Variants in LRRTM4 observed in about 807,000 individuals in gnomAD.
LRRTM4 encodes the protein leucine-rich repeat transmembrane neuronal protein 4.
LRRTM4 carries 25 observed loss-of-function variants against 47.6 expected under a neutral mutation model. The observed-to-expected ratio is 0.53, with a 90% CI of 0.38 to 0.73. The LOEUF (loss-of-function observed/expected upper bound fraction) is 0.73, where lower values mean the gene tolerates loss of function less well. LRRTM4 is among the 30% of genes least tolerant of loss of function. The pLI is 0.00. For missense variants in LRRTM4, 638 were observed against 713.4 expected (o/e 0.89, Z 1.20); for synonymous variants, 311 against 269.5 (o/e 1.15, Z -1.51).
chr2:76,899,403 G>C (rs186616965), intron 3 of LRRTM4, among the ~76,000 whole-genome samples: 1 of 151,530 alleles, frequency 6.6e-6, no homozygotes, highest in African/African-American at 2.4e-5. Context: ...ACTATTGAGA[G>C]GTAGGGCAAA....
intron 3 of LRRTM4, among the ~76,000 whole-genome samples, chr2:77,021,786 AATTACT>A (rs1678279580): frequency 6.6e-6 from 1 of 152,110 alleles, no homozygotes; most frequent in Non-Finnish European, 1.5e-5. Context: ...TAGATAATGC[AATTACT>A]AATGCCATAA....
chr2:77,332,814 A>G (rs1205876629), intron 3 of LRRTM4, among the ~76,000 whole-genome samples: 2 of 152,034 alleles, frequency 1.3e-5, no homozygotes, highest in African/African-American at 2.4e-5. Context: ...ACTTGTCACA[A>G]TTGTAGGTAT....
chr2:77,361,328 T>C (rs567962884), intron 3 of LRRTM4, among the ~76,000 whole-genome samples: 6 of 152,194 alleles, frequency 3.9e-5, no homozygotes, highest in African/African-American at 1.2e-4. Flanking sequence ...CCATTCTTCC[T>C]TCTCATTTAG....
chr2:77,139,519 T>C (rs542138134), intron 3 of LRRTM4, among the ~76,000 whole-genome samples: 2 of 152,242 alleles, frequency 1.3e-5, no homozygotes, highest in Admixed American at 6.5e-5. Context: ...ACAGCCAATA[T>C]CATACTGAAT....
intron 3 of LRRTM4, among the ~76,000 whole-genome samples, chr2:76,824,049 T>C (rs1671126169): frequency 1.3e-5 from 2 of 151,684 alleles, no homozygotes; most frequent in Middle Eastern, 6.8e-3. Context: ...ACCTGGGTAA[T>C]CTGATTCTTA....
At position 77,249,685 on chromosome 2, in the gene LRRTM4, T is replaced by G. The variant is rs185333322; in HGVS notation, c.1551+268633A>C. 2.0e-4 allele frequency among the ~76,000 whole-genome samples: 30 copies of G among 152,324 alleles called. 1 individual carries two copies. Among genetic ancestry groups the G allele is most frequent in the Non-Finnish European group, 3.4e-4 (23 of 68,028 alleles). On this transcript the variant is annotated intron_variant, in intron 3 of 3. Transcript: ENST00000409884. ...ATAATACCAAATGCTGGCAGGAATG[T>G]GGTGGAACAGTAACTCTCAATTATT...
intron 3 of LRRTM4, among the ~76,000 whole-genome samples, chr2:77,129,686 A>G (rs929528685): frequency 6.6e-6 from 1 of 152,220 alleles, no homozygotes; most frequent in Non-Finnish European, 1.5e-5. Context: ...TAAGTCTTCA[A>G]TCATGAGTGT....
At chr2:77,486,401 T>C (rs1677911344) in intron 3 of LRRTM4, among the ~76,000 whole-genome samples, 1 of 152,218 alleles carries the variant, frequency 6.6e-6, no homozygotes, top group East Asian at 1.9e-4. Context: ...TAAAATATCT[T>C]TCTTATTCAT....
chr2:76,873,974 C>T (rs1264129160), intron 3 of LRRTM4, among the ~76,000 whole-genome samples: 1 of 151,722 alleles, frequency 6.6e-6, no homozygotes, highest in African/African-American at 2.4e-5. Context: ...TTATTGTAAA[C>T]CAGATTTAAT....
At chr2:77,199,399 C>T (rs1420187626) in intron 3 of LRRTM4, among the ~76,000 whole-genome samples, 1 of 152,064 alleles carries the variant, frequency 6.6e-6, no homozygotes, top group Non-Finnish European at 1.5e-5. Flanking sequence ...GATATATTGG[C>T]TCCAGAGTCT....
At chr2:77,396,567 A>T (rs969093208) in intron 3 of LRRTM4, among the ~76,000 whole-genome samples, 2 of 151,938 alleles carry the variant, frequency 1.3e-5, no homozygotes, top group Non-Finnish European at 2.9e-5. Context: ...AAATGCAGTA[A>T]ATTTAGTCTT....
chr2:77,083,574 C>T (rs141491807), intron 3 of LRRTM4, among the ~76,000 whole-genome samples: 1 of 151,986 alleles, frequency 6.6e-6, no homozygotes, highest in Non-Finnish European at 1.5e-5. Context: ...GATACTGTGT[C>T]TGAATATTAG....
intron 3 of LRRTM4, among the ~76,000 whole-genome samples, chr2:76,856,707 T>A (rs1229430095): frequency 1.3e-5 from 2 of 152,138 alleles, no homozygotes; most frequent in African/African-American, 4.8e-5. Context: ...TTATATTAAA[T>A]GACTTGAAAA....
intron 3 of LRRTM4, among the ~76,000 whole-genome samples, chr2:77,111,286 T>TTTTC (rs1435780994): frequency 0.02 from 2,853 of 142,384 alleles, 109 homozygotes; most frequent in African/African-American, 0.067. Context: ...CCTGGCTATT[T>TTTTC]TTTTTTTTTT....
intron 3 of LRRTM4, among the ~76,000 whole-genome samples, chr2:77,072,924 T>C (rs1680210152): frequency 6.6e-6 from 1 of 152,086 alleles, no homozygotes; most frequent in Non-Finnish European, 1.5e-5. Flanking sequence ...AGATGATGGT[T>C]TGTTAAGACA....
intron 3 of LRRTM4, among the ~76,000 whole-genome samples, chr2:77,061,848 T>A (rs754393904): frequency 6.6e-6 from 1 of 152,212 alleles, no homozygotes; most frequent in African/African-American, 2.4e-5. Context: ...TGGATTATCA[T>A]CACTGCCTGA....
intron 3 of LRRTM4, among the ~76,000 whole-genome samples, chr2:76,843,881 A>G: frequency 6.6e-6 from 1 of 151,680 alleles, no homozygotes. Flanking sequence ...ATGCTTTAAA[A>G]CATTAATGAT....
intron 3 of LRRTM4, among the ~76,000 whole-genome samples, chr2:76,798,400 A>C (rs1481347200): frequency 1.3e-5 from 2 of 151,806 alleles, no homozygotes; most frequent in South Asian, 2.1e-4. Flanking sequence ...CTTTGAAACC[A>C]ACGAGAACAA....
intron 3 of LRRTM4, among the ~76,000 whole-genome samples, chr2:76,796,325 G>C (rs1484341052): frequency 8.2e-6 from 1 of 121,366 alleles, no homozygotes; most frequent in Non-Finnish European, 1.7e-5. Context: ...ACAGCTCAAG[G>C]AGGCCTGCCT....
Sources: gnomAD v4.1 joint callset for allele counts (sites outside exome capture counted in the v4.1 genomes callset) on GRCh38, gnomAD v4.1.1 for gene constraint, MANE v1.5 for transcripts, NCBI Gene and HGNC (gene_info 2026-07-23, HGNC 2026-07-21) for gene names.